The following LDAH variants were observed in gnomAD, a reference collection of about 807,000 sequenced individuals.
LDAH encodes the protein lipid droplet-associated hydrolase.
In LDAH, 26 loss-of-function variants were observed where a neutral mutation model predicts 29.6. That is an observed-to-expected ratio of 0.88 (90% CI 0.64 to 1.22). The LOEUF (loss-of-function observed/expected upper bound fraction) is 1.22, where lower values mean the gene tolerates loss of function less well. Among genes scored for constraint, LDAH ranks in the 50% most tolerant of loss-of-function variants. LDAH has a pLI of 0.00. For synonymous variants in LDAH, 117 were observed against 133.0 expected, an observed-to-expected ratio of 0.88 and a Z score of 0.83; for missense variants, 344 against 387.3, an observed-to-expected ratio of 0.89 and a Z score of 0.94.
intron 5 of LDAH, among the ~76,000 whole-genome samples, chr2:20,731,646 T>G (rs1233434423): frequency 1.3e-5 from 2 of 152,178 alleles, no homozygotes; most frequent in African/African-American, 4.8e-5. Flanking sequence ...TAATTATGTA[T>G]ATGTTTTTCT....
intron 5 of LDAH, among the ~76,000 whole-genome samples, chr2:20,731,598 CTTTCA>C (rs1311680805): frequency 6.6e-6 from 1 of 152,094 alleles, no homozygotes; most frequent in Non-Finnish European, 1.5e-5. Flanking sequence ...CTTAGGTCTT[CTTTCA>C]TTTCTTTATT....
At chr2:20,801,549 G>A in intron 1 of LDAH, 84 bp from the exon 2 acceptor site, 1 of 1,196,350 alleles carries the variant, frequency 8.4e-7, no homozygotes, top group Non-Finnish European at 1.2e-6. Flanking sequence ...ATAAAAAAGG[G>A]CAAGTTTCAA....
chr2:20,729,510 T>C (rs1666251767), intron 5 of LDAH, among the ~76,000 whole-genome samples: 1 of 152,204 alleles, frequency 6.6e-6, no homozygotes, highest in African/African-American at 2.4e-5. Context: ...TATCTAATGG[T>C]GTCCTCAGCC....
intron 4 of LDAH, among the ~76,000 whole-genome samples, chr2:20,741,331 C>T (rs1225127216): frequency 6.6e-6 from 1 of 152,152 alleles, no homozygotes; most frequent in Non-Finnish European, 1.5e-5. Context: ...TCTAAAAAGT[C>T]ATCATCATAT....
At chr2:20,805,449 C>T in intron 1 of LDAH, among the ~76,000 whole-genome samples, 1 of 152,194 alleles carries the variant, frequency 6.6e-6, no homozygotes, top group East Asian at 1.9e-4. Context: ...AATTAAAACT[C>T]TTCCCTACCT....
chr2:20,810,898 C>T (rs980463374), intron 1 of LDAH, among the ~76,000 whole-genome samples: 28 of 152,280 alleles, frequency 1.8e-4, no homozygotes, highest in African/African-American at 6.5e-4. Flanking sequence ...GAGAAACTAA[C>T]GCCCAGTGAT....
intron 1 of LDAH, among the ~76,000 whole-genome samples, chr2:20,814,241 G>T (rs1253938223): frequency 2.5e-5 from 3 of 117,902 alleles, no homozygotes; most frequent in African/African-American, 6.0e-5. Context: ...GGGGGGGGGG[G>T]TCCATGGTTT....
Position 20,774,108 on chromosome 2 carries a change from T to C in LDAH, c.468+702A>G, listed in dbSNP as rs142810893. Among the ~76,000 whole-genome samples, 674 of 152,360 alleles carry C rather than the reference T, an allele frequency of 4.4e-3. 3 individuals are homozygous for C. Among genetic ancestry groups the C allele is most frequent in the African/African-American group, 0.015 (641 of 41,580 alleles). On this transcript the variant is annotated intron_variant, in intron 4 of 6. Coordinates refer to ENST00000237822, the MANE Select transcript of LDAH (RefSeq NM_021925.4). ...TTGAATAAAGAAATGAATTATCTTG[T>C]GAATTGCATCCATTCAGTGAGTTAT...
intron 4 of LDAH, among the ~76,000 whole-genome samples, chr2:20,757,957 C>T (rs992051900): frequency 6.6e-6 from 1 of 152,152 alleles, no homozygotes; most frequent in Non-Finnish European, 1.5e-5. Flanking sequence ...AGTTTGCTGA[C>T]TACAGATCTT....
intron 4 of LDAH, among the ~76,000 whole-genome samples, chr2:20,746,361 A>T (rs973696093): frequency 7.9e-5 from 12 of 152,240 alleles, no homozygotes; most frequent in Non-Finnish European, 1.0e-4. Context: ...CCACAGGGTT[A>T]TATTTGATTG....
chr2:20,752,615 A>G (rs1413962395), intron 4 of LDAH, among the ~76,000 whole-genome samples: 1 of 151,998 alleles, frequency 6.6e-6, no homozygotes, highest in Non-Finnish European at 1.5e-5. Flanking sequence ...TTCGTACTGA[A>G]ATAGCGATCA....
intron 1 of LDAH, among the ~76,000 whole-genome samples, chr2:20,818,021 A>G (rs1399849991): frequency 2.6e-5 from 4 of 152,196 alleles, no homozygotes; most frequent in Non-Finnish European, 5.9e-5. Flanking sequence ...TGGTGATGGA[A>G]TAATTCTTTA....
intron 6 of LDAH, among the ~76,000 whole-genome samples, chr2:20,696,770 A>G (rs1663520599): frequency 6.6e-6 from 1 of 152,196 alleles, no homozygotes; most frequent in African/African-American, 2.4e-5. Context: ...CTCATGAAAC[A>G]GAGAATACTC....
intron 2 of LDAH, among the ~76,000 whole-genome samples, chr2:20,797,327 C>G (rs982262103): frequency 2.0e-5 from 3 of 152,192 alleles, no homozygotes; most frequent in Non-Finnish European, 2.9e-5. Flanking sequence ...TTCCCCTGTT[C>G]CTCTTTGAAC....
chr2:20,724,347 C>G (rs1182158157), intron 5 of LDAH, among the ~76,000 whole-genome samples: 1 of 152,206 alleles, frequency 6.6e-6, no homozygotes, highest in South Asian at 2.1e-4. Context: ...TTTTTCTCTT[C>G]TATCCCACTG....
intron 6 of LDAH, among the ~76,000 whole-genome samples, chr2:20,687,488 A>G (rs1008257475): frequency 1.3e-5 from 2 of 152,262 alleles, no homozygotes; most frequent in Non-Finnish European, 2.9e-5. Context: ...TTGTTTCCAA[A>G]TAGCCACATG....
At chr2:20,816,442 T>C (rs1318079769) in intron 1 of LDAH, among the ~76,000 whole-genome samples, 1 of 152,056 alleles carries the variant, frequency 6.6e-6, no homozygotes, top group East Asian at 1.9e-4. Flanking sequence ...AGATATGCCA[T>C]ACTAACTACT....
At chr2:20,780,589 T>C (rs1379178880) in intron 3 of LDAH, among the ~76,000 whole-genome samples, 1 of 152,150 alleles carries the variant, frequency 6.6e-6, no homozygotes, top group African/African-American at 2.4e-5. Flanking sequence ...AGTAGGAAAC[T>C]GAACTTCACA....
At chr2:20,747,501 C>T (rs1667656854) in intron 4 of LDAH, among the ~76,000 whole-genome samples, 1 of 152,154 alleles carries the variant, frequency 6.6e-6, no homozygotes, top group Non-Finnish European at 1.5e-5. Flanking sequence ...GATAAACTTG[C>T]TAGCTGTCAA....
Sources: allele counts gnomAD v4.1 joint callset (sites outside exome capture counted in the v4.1 genomes callset), GRCh38; gene constraint gnomAD v4.1.1; transcripts MANE v1.5; gene names NCBI Gene and HGNC (gene_info 2026-07-23, HGNC 2026-07-21).